The following ZMAT4 variants were observed in gnomAD, a reference collection of about 807,000 sequenced individuals.
ZMAT4 encodes the protein zinc finger matrin-type protein 4.
In ZMAT4, 17 loss-of-function variants were observed where a neutral mutation model predicts 28.7. The observed-to-expected ratio is 0.59, with a 90% CI of 0.41 to 0.89. The LOEUF is 0.89. Among genes scored for constraint, ZMAT4 ranks in the 40% least tolerant of loss-of-function variants. ZMAT4 has a pLI of 0.00. For missense variants in ZMAT4, 240 were observed against 283.8 expected, an observed-to-expected ratio of 0.85 and a Z score of 1.11; for synonymous variants, 117 against 109.2, an observed-to-expected ratio of 1.07 and a Z score of -0.44.
At chr8:40,723,699 A>G (rs1811203987) in intron 3 of ZMAT4, among the ~76,000 whole-genome samples, 3 of 152,186 alleles carry the variant, frequency 2.0e-5, no homozygotes, top group Admixed American at 1.3e-4. Context: ...GTGGGGTAAA[A>G]CTGTTTCATA....
rs184318954 is a variant in ZMAT4 at position 40,830,781 on chromosome 8, C to T, written c.-4-5101G>A. 2.0e-5 allele frequency among the ~76,000 whole-genome samples: 3 copies of T among 152,260 alleles called. No homozygotes were observed. In the East Asian group the frequency reaches 5.8e-4, roughly 29 times the overall value. On this transcript the variant is annotated intron_variant, in intron 1 of 6. Coordinates refer to ENST00000297737, the MANE Select transcript of ZMAT4 (RefSeq NM_024645.3). Reference sequence around the variant, plus strand: ...CAGAGAGCCCAAAACCCATGCAGGGCTCTTCAGAGGGAAAGACATTGGTTC... The same window carrying T: ...CAGAGAGCCCAAAACCCATGCAGGGTTCTTCAGAGGGAAAGACATTGGTTC...
chr8:40,815,507 T>C (rs539416961), intron 2 of ZMAT4, among the ~76,000 whole-genome samples: 24 of 152,304 alleles, frequency 1.6e-4, no homozygotes, highest in African/African-American at 5.5e-4. Context: ...AACATCCATC[T>C]AAATAAGACT....
At chr8:40,820,801 A>G (rs1273409536) in intron 2 of ZMAT4, among the ~76,000 whole-genome samples, 72 of 950 alleles carry the variant, frequency 0.076, no homozygotes, top group African/African-American at 0.2. Context: ...GTGTGTGTAT[A>G]TATGTGTGGG....
At chr8:40,807,136 GAC>G (rs775835082) in intron 2 of ZMAT4, among the ~76,000 whole-genome samples, 21,653 of 68,826 alleles carry the variant, frequency 0.31, 2,035 homozygotes, top group Non-Finnish European at 0.4. Context: ...GTGGGGTGAG[GAC>G]AAAAAAAAAA....
chr8:40,655,111 A>G (rs980800488), intron 5 of ZMAT4, among the ~76,000 whole-genome samples: 1 of 150,940 alleles, frequency 6.6e-6, no homozygotes, highest in Non-Finnish European at 1.5e-5. Flanking sequence ...GCTAGGAAAT[A>G]TGTTCTGCAA....
At chr8:40,588,096 G>A (rs1362296423) in intron 5 of ZMAT4, among the ~76,000 whole-genome samples, 1 of 151,846 alleles carries the variant, frequency 6.6e-6, no homozygotes, top group African/African-American at 2.4e-5. Context: ...GCTTAAGAGT[G>A]CCTTCCAATG....
chr8:40,880,862 T>A (rs1340464047), intron 1 of ZMAT4, among the ~76,000 whole-genome samples: 2 of 152,170 alleles, frequency 1.3e-5, no homozygotes, highest in East Asian at 3.9e-4. Context: ...CCCCCCAGAA[T>A]GTTGAATGTT....
intron 5 of ZMAT4, among the ~76,000 whole-genome samples, chr8:40,600,403 A>G (rs998301239): frequency 3.9e-5 from 6 of 152,150 alleles, no homozygotes; most frequent in Non-Finnish European, 7.3e-5. Context: ...AAATGGGCAA[A>G]CTAAAGCATT....
In ZMAT4 at chr8:40,786,464, C is replaced by CATTCATTCATTA. The variant is rs943594490; in HGVS notation, c.103-18735_103-18734insTAATGAATGAAT. Reference sequence around the variant, plus strand: ...AGTACATGACATTCATTCATTCATTCATTCATTCTTCAAACCTCTGATGCA... The same window carrying CATTCATTCATTA: ...AGTACATGACATTCATTCATTCATTCATTCATTCATTAATTCATTCTTCAAACCTCTGATGCA... On this transcript the variant is annotated intron_variant, in intron 2 of 6. Coordinates refer to ENST00000297737, the MANE Select transcript of ZMAT4 (RefSeq NM_024645.3). Among the ~76,000 whole-genome samples, 6 of 152,010 alleles carry CATTCATTCATTA rather than the reference C, an allele frequency of 3.9e-5. No homozygotes were observed. In the East Asian group the frequency reaches 1.2e-3, roughly 29 times the overall value.
chr8:40,569,649 G>A (rs373817636), intron 6 of ZMAT4, among the ~76,000 whole-genome samples: 8 of 152,234 alleles, frequency 5.3e-5, no homozygotes, highest in Middle Eastern at 3.4e-3. Flanking sequence ...GTGAAAATAA[G>A]CTCCTTTCTT....
intron 3 of ZMAT4, among the ~76,000 whole-genome samples, chr8:40,765,180 T>A (rs1813098783): frequency 6.6e-6 from 1 of 152,120 alleles, no homozygotes; most frequent in Non-Finnish European, 1.5e-5. Flanking sequence ...ATGGCTTCAA[T>A]GCCCAAAAAT....
chr8:40,646,000 T>C (rs1421686958), intron 5 of ZMAT4, among the ~76,000 whole-genome samples: 2 of 152,062 alleles, frequency 1.3e-5, no homozygotes, highest in African/African-American at 4.8e-5. Context: ...GCATCTCCTT[T>C]GTAATAATTT....
chr8:40,665,066 C>A (rs763934701), intron 5 of ZMAT4, among the ~76,000 whole-genome samples: 1 of 152,184 alleles, frequency 6.6e-6, no homozygotes, highest in South Asian at 2.1e-4. Flanking sequence ...CCTAGCCAGG[C>A]GTGGTGGTGG....
At chr8:40,625,573 C>T (rs2722428) in intron 5 of ZMAT4, among the ~76,000 whole-genome samples, 148,822 of 152,008 alleles carry the variant, frequency 0.98, 72,948 homozygotes, top group Middle Eastern at 1. Flanking sequence ...AAGAAAGGAA[C>T]TGATCATCAC....
At chr8:40,624,674 A>G (rs896423088) in intron 5 of ZMAT4, among the ~76,000 whole-genome samples, 2 of 152,236 alleles carry the variant, frequency 1.3e-5, no homozygotes, top group Admixed American at 1.3e-4. Flanking sequence ...AGATCTCAGT[A>G]CATATCCTCT....
chr8:40,558,345 A>C (rs1433209133), intron 6 of ZMAT4, among the ~76,000 whole-genome samples: 1 of 152,124 alleles, frequency 6.6e-6, no homozygotes, highest in Non-Finnish European at 1.5e-5. Flanking sequence ...GGCACATAGA[A>C]AGGCAAATGT....
At chr8:40,586,348 G>T (rs553895448) in intron 5 of ZMAT4, among the ~76,000 whole-genome samples, 2 of 152,214 alleles carry the variant, frequency 1.3e-5, no homozygotes, top group South Asian at 4.1e-4. Context: ...CGACCTAAAG[G>T]CTATTTCTGC....
chr8:40,857,434 GA>G, intron 1 of ZMAT4, among the ~76,000 whole-genome samples: 1 of 152,132 alleles, frequency 6.6e-6, no homozygotes, highest in South Asian at 2.1e-4. Context: ...GATTCTCTGG[GA>G]CTTGATGGTT....
Position 40,650,174 on chromosome 8 carries a change from G to A in ZMAT4, c.577+24530C>T, listed in dbSNP as rs189987924. ...AAGGGATCAACTAAATTGATAGACC[G>A]CTAGCAAGACTAATAAAGAAAAAAA... On this transcript the variant is annotated intron_variant, in intron 5 of 6. Coordinates refer to ENST00000297737, the MANE Select transcript of ZMAT4 (RefSeq NM_024645.3). Among the ~76,000 whole-genome samples, 19 of 152,140 alleles carry A rather than the reference G, an allele frequency of 1.2e-4. 1 individual carries two copies. Among genetic ancestry groups the A allele is most frequent in the African/African-American group, 3.6e-4 (15 of 41,502 alleles).
Sources: allele counts gnomAD v4.1 joint callset (sites outside exome capture counted in the v4.1 genomes callset), GRCh38; gene constraint gnomAD v4.1.1; transcripts MANE v1.5; gene names NCBI Gene and HGNC (gene_info 2026-07-23, HGNC 2026-07-21).